UGT2A1: variants seen among roughly 807,000 people sequenced by gnomAD.
The protein encoded by UGT2A1 is UDP-glucuronosyltransferase 2A1.
A neutral mutation model predicts 45.4 loss-of-function variants in UGT2A1; 61 were observed. That is an observed-to-expected ratio of 1.34 (90% CI 1.09 to 1.66). UGT2A1 has a LOEUF of 1.66. Ranked by LOEUF, UGT2A1 falls within the 40% of genes most tolerant of loss-of-function variation. The pLI, the probability that UGT2A1 is intolerant of heterozygous loss-of-function variation, is 0.00. For missense variants in UGT2A1, 649 were observed against 574.3 expected (o/e 1.13, Z -1.33); for synonymous variants, 229 against 196.2 (o/e 1.17, Z -1.40).
In UGT2A1 at chr4:69,594,494, T is replaced by C; in HGVS notation, c.1287A>G (p.Thr429=). 6.2e-7 allele frequency: 1 copy of C among 1,614,180 alleles called. No homozygotes were observed. Among genetic ancestry groups the C allele is most frequent in the East Asian group, 2.2e-5 (1 of 44,870 alleles). The stretch of plus-strand genomic sequence containing the variant: ...GTACTTACGAAGGTTCATTAATGAC[T>C]GTTCTCAAAGCGCTAAGCAAATCCA... The part of the protein sequence containing the change: ...TSVDLLSALR[T]VINEPSYKEN... Residue 429 remains threonine, a synonymous_variant, in exon 6 of 7, where the codon ACA becomes ACG. Transcript: ENST00000286604.
intron 3 of UGT2A1, among the ~76,000 whole-genome samples, chr4:69,631,118 T>C (rs1283102416): frequency 6.6e-6 from 1 of 152,118 alleles, no homozygotes; most frequent in Admixed American, 6.5e-5. Flanking sequence ...TATCTCAATA[T>C]CAAATGCTTT....
intron 3 of UGT2A1, among the ~76,000 whole-genome samples, chr4:69,602,842 T>A (rs1394852619): frequency 7.4e-6 from 1 of 135,876 alleles, no homozygotes; most frequent in Non-Finnish European, 1.6e-5. Context: ...TAATTATGAA[T>A]CTTATTAAGG....
At chr4:69,604,988 C>T (rs1719520114) in intron 3 of UGT2A1, among the ~76,000 whole-genome samples, 1 of 136,066 alleles carries the variant, frequency 7.3e-6, no homozygotes, top group Non-Finnish European at 1.6e-5. Context: ...TTTGACACCC[C>T]ACTGTCAACG....
At chr4:69,603,226 G>C (rs1430161359) in intron 3 of UGT2A1, among the ~76,000 whole-genome samples, 1 of 136,000 alleles carries the variant, frequency 7.4e-6, no homozygotes, top group Non-Finnish European at 1.6e-5. Context: ...TCCAGATGAA[G>C]AGATACAAGA....
chr4:69,653,191 A>T lies in UGT2A1; in HGVS notation c.-58T>A, dbSNP rs1446441792. The T allele has an allele frequency of 6.6e-6, 1 of 152,178 alleles. No homozygotes were observed. The highest frequency in any genetic ancestry group is 1.5e-5 in the Non-Finnish European group (1 of 68,020). 9.4% of individuals were successfully genotyped at this position (152,178 alleles called of 1,614,324 possible). ...ATGAAGTTTTCTAGTTTCTTACCTGAAGTTTCCTGGAGGAACTTTAACAGC... is the reference window on the plus strand; with the variant it reads ...ATGAAGTTTTCTAGTTTCTTACCTGTAGTTTCCTGGAGGAACTTTAACAGC... On this transcript the variant is annotated 5_prime_UTR_variant, in exon 1 of 7. Coordinates refer to ENST00000286604, the MANE Select transcript of UGT2A1 (RefSeq NM_001252275.3).
chr4:69,592,117 G>A (rs574307250), intron 6 of UGT2A1, among the ~76,000 whole-genome samples: 51 of 152,146 alleles, frequency 3.4e-4, no homozygotes, highest in African/African-American at 1.2e-3. Context: ...TAAAATGCCT[G>A]GCAAAGGTCA....
chr4:69,594,532 T>C lies in UGT2A1; in HGVS notation c.1249A>G (p.Thr417Ala), dbSNP rs779707481. The change falls in exon 6 of 7, where the codon ACA (threonine) becomes GCA (alanine). Residue 417 changes from threonine to alanine, a missense_variant. Physicochemically the swap from Thr to Ala is moderately conservative, Grantham distance 58. Coordinates refer to ENST00000286604, the MANE Select transcript of UGT2A1 (RefSeq NM_001252275.3). ...CTAAGCAAATCCACACTTGTCATTG[T>C]GTTTAGGTTCACTTCCACAGCTGCT... ...KGAAVEVNLN[T>A]MTSVDLLSAL... 3 of 1,614,180 alleles carry C rather than the reference T, an allele frequency of 1.9e-6. No individual in the cohort carries two copies. Among genetic ancestry groups the C allele is most frequent in the East Asian group, 4.5e-5 (2 of 44,880 alleles).
At chr4:69,610,246 C>A (rs563013218) in intron 3 of UGT2A1, among the ~76,000 whole-genome samples, 4 of 151,054 alleles carry the variant, frequency 2.6e-5, no homozygotes. Flanking sequence ...TCTGCCATTA[C>A]AAAAAAAAAG....
At chr4:69,624,464 G>T (rs1420990030) in intron 3 of UGT2A1, among the ~76,000 whole-genome samples, 1 of 151,234 alleles carries the variant, frequency 6.6e-6, no homozygotes, top group African/African-American at 2.4e-5. Context: ...CATTTAATGT[G>T]ATTATCTACA....
chr4:69,639,638 C>G (rs781138799), intron 2 of UGT2A1: 1 of 1,570,796 alleles, frequency 6.4e-7, no homozygotes, highest in Non-Finnish European at 8.6e-7. Flanking sequence ...TTATGGAAAC[C>G]ATCCTACTGT....
At chr4:69,611,359 T>C (rs1311195866) in intron 3 of UGT2A1, among the ~76,000 whole-genome samples, 1 of 147,460 alleles carries the variant, frequency 6.8e-6, no homozygotes, top group East Asian at 2.0e-4. Flanking sequence ...TACAGCAGGG[T>C]CATAAAAGTA....
At chr4:69,624,422 T>A (rs770749152) in intron 3 of UGT2A1, among the ~76,000 whole-genome samples, 15 of 151,536 alleles carry the variant, frequency 9.9e-5, no homozygotes, top group Non-Finnish European at 1.6e-4. Flanking sequence ...TTTGACAATG[T>A]CTAACTATTG....
At chr4:69,632,039 A>T (rs994234065) in intron 3 of UGT2A1, among the ~76,000 whole-genome samples, 6 of 152,178 alleles carry the variant, frequency 3.9e-5, no homozygotes, top group African/African-American at 1.4e-4. Context: ...TTATTCCTAA[A>T]ATTGTTCACT....
chr4:69,652,651 TTAAAG>T (rs1336602463), intron 1 of UGT2A1, among the ~76,000 whole-genome samples: 11 of 152,054 alleles, frequency 7.2e-5, no homozygotes, highest in Non-Finnish European at 1.3e-4. Flanking sequence ...TGACTTATAT[TTAAAG>T]TAAATAGATT....
intron 3 of UGT2A1, among the ~76,000 whole-genome samples, chr4:69,601,658 G>C (rs1265816531): frequency 1.3e-5 from 2 of 152,084 alleles, no homozygotes; most frequent in African/African-American, 4.8e-5. Flanking sequence ...ATTTGAGAAA[G>C]TCAACATTGC....
At position 69,599,344 on chromosome 4, in the gene UGT2A1, T is replaced by C; in HGVS notation, c.898A>G (p.Ile300Val). ...ETMGKAEIWL[I>V]RTYWDFEFPR... Reference sequence around the variant, plus strand: ...AATTCAAAATCCCAATATGTTCGGATTAACCAAATTTCAGCTTTCCCCATA... The same window carrying C: ...AATTCAAAATCCCAATATGTTCGGACTAACCAAATTTCAGCTTTCCCCATA... The change falls in exon 4 of 7, where the codon ATC becomes GTC. Residue 300 changes from isoleucine to valine, a missense_variant. Physicochemically the swap from Ile to Val is conservative, Grantham distance 29 (BLOSUM62 3). Coordinates refer to ENST00000286604, the MANE Select transcript of UGT2A1 (RefSeq NM_001252275.3). The C allele has an allele frequency of 6.2e-7, 1 of 1,613,840 alleles. No homozygotes were observed. The highest frequency in any genetic ancestry group is 8.5e-7 in the Non-Finnish European group (1 of 1,179,916).
intron 3 of UGT2A1, among the ~76,000 whole-genome samples, chr4:69,616,079 AG>A (rs1720362884): frequency 6.6e-6 from 1 of 152,044 alleles, no homozygotes; most frequent in Non-Finnish European, 1.5e-5. Flanking sequence ...ATGAATCTAG[AG>A]TTTCCTCCAG....
chr4:69,617,631 A>T (rs1720482755), intron 3 of UGT2A1, among the ~76,000 whole-genome samples: 2 of 151,848 alleles, frequency 1.3e-5, no homozygotes, highest in Admixed American at 1.3e-4. Context: ...ATATAAATAC[A>T]TTAAAAGTTT....
At position 69,647,485 on chromosome 4, in the gene UGT2A1, C is replaced by T; in HGVS notation, c.160G>A (p.Val54Ile). Residue 54 changes from valine to isoleucine, a missense_variant, in exon 2 of 7, where the codon GTT becomes ATT. Val to Ile is a conservative substitution (Grantham distance 29). Transcript: ENST00000286604. ...GTGATGAAAAGTGCACCAGAGGCAA[C>T]TAGGACAGTCACATTATGCTCCTTT... ...IKKEHNVTVL[V>I]ASGALFITPT... The T allele has an allele frequency of 6.2e-7, 1 of 1,613,024 alleles. No homozygotes were observed. The highest frequency in any genetic ancestry group is 8.5e-7 in the Non-Finnish European group (1 of 1,179,350).
Sources: allele counts gnomAD v4.1 joint callset (sites outside exome capture counted in the v4.1 genomes callset), GRCh38; gene constraint gnomAD v4.1.1; transcripts MANE v1.5; gene names NCBI Gene and HGNC (gene_info 2026-07-23, HGNC 2026-07-21).